Variants in CHSY1 observed in about 807,000 individuals in gnomAD.
CHSY1 encodes chondroitin sulfate synthase 1, also known as N-acetylgalactosaminyl-proteoglycan 3-beta-glucuronosyltransferase 1.
A neutral mutation model predicts 59.8 loss-of-function variants in CHSY1; 13 were observed. The ratio of observed to expected loss-of-function variants is 0.22; its 90% CI spans 0.14 to 0.35. The LOEUF is 0.35. Ranked by LOEUF, CHSY1 falls within the 10% of genes least tolerant of loss-of-function variation. CHSY1 has a pLI of 1.00. For missense variants in CHSY1, 947 were observed against 1,030.6 expected (o/e 0.92, Z 1.11); for synonymous variants, 459 against 401.2 (o/e 1.14, Z -1.72).
chr15:101,179,231 G>C (rs1440006823), intron 2 of CHSY1, among the ~76,000 whole-genome samples: 1 of 152,186 alleles, frequency 6.6e-6, no homozygotes, highest in Admixed American at 6.5e-5. Flanking sequence ...TTATGAAAAA[G>C]TTGTCCCATA....
chr15:101,177,502 C>A lies in CHSY1; in HGVS notation c.2295G>T (p.Gly765=), dbSNP rs773999253. Residue 765 remains glycine (G), a synonymous_variant, in exon 3 of 3, where the codon GGG becomes GGT. Transcript: ENST00000254190. ...TGGACCCATAGGTCGATGCTTTGGA[C>A]CCCAAGCACATTTTGTACTGTTTGG... ...LDPKQYKMCL[G]SKASTYGSTQ... The A allele has an allele frequency of 4.3e-6, 7 of 1,613,210 alleles. No homozygotes were observed. The highest frequency in any genetic ancestry group is 3.3e-5 in the Admixed American group (2 of 59,984).
intron 2 of CHSY1, among the ~76,000 whole-genome samples, chr15:101,182,914 A>G (rs1266535372): frequency 6.6e-6 from 1 of 152,264 alleles, no homozygotes; most frequent in South Asian, 2.1e-4. Flanking sequence ...AAATAAAACA[A>G]AACAAAAGCA....
At chr15:101,250,382 C>A (rs1468684392) in intron 1 of CHSY1, among the ~76,000 whole-genome samples, 8 of 152,330 alleles carry the variant, frequency 5.3e-5, no homozygotes, top group South Asian at 4.1e-4. Flanking sequence ...AAATCATCTC[C>A]CTTCTAGAGA....
intron 1 of CHSY1, among the ~76,000 whole-genome samples, chr15:101,241,271 A>T (rs2038998961): frequency 6.6e-6 from 1 of 152,152 alleles, no homozygotes; most frequent in Non-Finnish European, 1.5e-5. Flanking sequence ...TTGTACTTAT[A>T]GTTGAGACAG....
At chr15:101,179,039 A>G in intron 2 of CHSY1, 59 bp from the exon 3 acceptor site, 2 of 1,527,362 alleles carry the variant, frequency 1.3e-6, no homozygotes, top group Non-Finnish European at 1.8e-6. Flanking sequence ...GTGCCAGCAC[A>G]TGCTAAAGAA....
chr15:101,219,774 T>C, intron 2 of CHSY1, among the ~76,000 whole-genome samples: 1 of 152,240 alleles, frequency 6.6e-6, no homozygotes, highest in East Asian at 1.9e-4. Context: ...AGAGGATTCT[T>C]GTTTTTCTTG....
chr15:101,182,209 T>C (rs1240305529), intron 2 of CHSY1, among the ~76,000 whole-genome samples: 2 of 152,220 alleles, frequency 1.3e-5, no homozygotes, highest in South Asian at 2.1e-4. Flanking sequence ...TAGTGGTACT[T>C]CATATGGGTC....
intron 1 of CHSY1, among the ~76,000 whole-genome samples, chr15:101,246,990 C>T (rs1289826483): frequency 1.3e-5 from 2 of 152,202 alleles, no homozygotes; most frequent in African/African-American, 2.4e-5. Context: ...AGAGGAATCA[C>T]AGTACCATTT....
At chr15:101,198,756 C>T (rs1250450054) in intron 2 of CHSY1, among the ~76,000 whole-genome samples, 1 of 152,228 alleles carries the variant, frequency 6.6e-6, no homozygotes, top group Non-Finnish European at 1.5e-5. Context: ...CCAAAATCCC[C>T]CATTAAAACT....
At chr15:101,187,648 AAC>A (rs1361921203) in intron 2 of CHSY1, 1 of 152,214 alleles carries the variant, frequency 6.6e-6, no homozygotes, top group Non-Finnish European at 1.5e-5. Flanking sequence ...TGCAGAAGAA[AAC>A]ACAACTCAAT....
chr15:101,235,324 C>T lies in CHSY1; in HGVS notation c.574G>A (p.Glu192Lys), dbSNP rs141538980. ...CCTGTCTGCCCAAGAAAGAGGGGCT[C>T]GCTGCTGTTCAAACTCCTCAGGAAG... ...ENFLRSLNSSEPLFLGQTGLG... is the reference protein window; with the variant it reads ...ENFLRSLNSSKPLFLGQTGLG... Residue 192 changes from glutamate to lysine, a missense_variant, in exon 2 of 3, where the codon GAG becomes AAG. Physicochemically the swap from Glu to Lys is moderately conservative, Grantham distance 56 (BLOSUM62 1). Transcript: ENST00000254190. 3.1e-6 allele frequency: 5 copies of T among 1,614,086 alleles called. No individual in the cohort carries two copies. In the South Asian group the frequency reaches 3.3e-5, roughly 11 times the overall value.
intron 1 of CHSY1, among the ~76,000 whole-genome samples, chr15:101,249,553 G>A (rs2039086317): frequency 7.6e-6 from 1 of 131,196 alleles, no homozygotes; most frequent in Non-Finnish European, 1.5e-5. Flanking sequence ...TCACTCTGTA[G>A]CCCAGGCTGG....
At chr15:101,193,585 A>G (rs1002006479) in intron 2 of CHSY1, among the ~76,000 whole-genome samples, 5 of 152,232 alleles carry the variant, frequency 3.3e-5, no homozygotes, top group Non-Finnish European at 5.9e-5. Context: ...GTGCATGCAC[A>G]TGTGCGTATT....
At chr15:101,227,460 G>A (rs1005981450) in intron 2 of CHSY1, among the ~76,000 whole-genome samples, 1 of 152,196 alleles carries the variant, frequency 6.6e-6, no homozygotes, top group Non-Finnish European at 1.5e-5. Flanking sequence ...AACCATACAC[G>A]CAGTGTGTGG....
Position 101,178,659 on chromosome 15 carries a change from T to C in CHSY1, c.1138A>G (p.Thr380Ala), listed in dbSNP as rs771996972. The change falls in exon 3 of 3, where the codon ACT becomes GCT. Residue 380 changes from threonine (T) to alanine (A), a missense_variant. Thr to Ala is a moderately conservative substitution (Grantham distance 58). Transcript: ENST00000254190. ...ACTGCCGAATACAAGTATTTTCCAG[T>C]CAGAAACTCCCATTCCAGAATCTCC... The part of the protein sequence containing the change: ...REEILEWEFL[T>A]GKYLYSAVDG... The C allele has an allele frequency of 2.5e-6, 4 of 1,614,214 alleles. No individual in the cohort carries two copies. Among genetic ancestry groups the C allele is most frequent in the Non-Finnish European group, 3.4e-6 (4 of 1,180,050 alleles).
chr15:101,191,668 G>C (rs1159319849), intron 2 of CHSY1, among the ~76,000 whole-genome samples: 1 of 152,166 alleles, frequency 6.6e-6, no homozygotes, highest in African/African-American at 2.4e-5. Flanking sequence ...TGCACGTGTA[G>C]GGGCAGGCGC....
chr15:101,186,422 A>G (rs556254999), intron 2 of CHSY1, among the ~76,000 whole-genome samples: 2 of 152,362 alleles, frequency 1.3e-5, no homozygotes, highest in South Asian at 2.1e-4. Context: ...TCTCTGGAAG[A>G]AAGTTTAGAA....
At chr15:101,199,243 C>A (rs1048670559) in intron 2 of CHSY1, among the ~76,000 whole-genome samples, 3 of 152,206 alleles carry the variant, frequency 2.0e-5, no homozygotes, top group African/African-American at 2.4e-5. Context: ...GTGGCTCATG[C>A]CTGTAATCCC....
intron 2 of CHSY1, among the ~76,000 whole-genome samples, chr15:101,218,197 G>A (rs918140647): frequency 4.6e-5 from 7 of 152,304 alleles, no homozygotes; most frequent in South Asian, 4.2e-4. Context: ...ACAGACAGGC[G>A]ACAGGAGAAG....
Sources: allele counts gnomAD v4.1 joint callset (sites outside exome capture counted in the v4.1 genomes callset), GRCh38; gene constraint gnomAD v4.1.1; transcripts MANE v1.5; gene names NCBI Gene and HGNC (gene_info 2026-07-23, HGNC 2026-07-21).